MS4A13: variants seen among roughly 807,000 people sequenced by gnomAD.
The protein encoded by MS4A13 is membrane spanning 4-domains A13.
MS4A13 carries 21 observed loss-of-function variants against 18.4 expected under a neutral mutation model. The observed-to-expected ratio is 1.14, with a 90% confidence interval of 0.81 to 1.64. The LOEUF (loss-of-function observed/expected upper bound fraction) is 1.64. Ranked by LOEUF, MS4A13 falls within the 40% of genes most tolerant of loss-of-function variation. The probability of loss-of-function intolerance (pLI) is 0.00; values close to 1 mark genes in which losing one functional copy is unlikely to be tolerated. For synonymous variants in MS4A13, 62 were observed against 57.2 expected, an observed-to-expected ratio of 1.08 and a Z score of -0.38; for missense variants, 173 against 176.8, an observed-to-expected ratio of 0.98 and a Z score of 0.12.
chr11:60,517,508 G>A (rs1432529907), intron 2 of MS4A13, among the ~76,000 whole-genome samples: 10 of 152,034 alleles, frequency 6.6e-5, no homozygotes, highest in South Asian at 6.2e-4. Flanking sequence ...TGGGAAAACC[G>A]AGTTCAAGCG....
chr11:60,535,261 A>T (rs1438825248), intron 6 of MS4A13, among the ~76,000 whole-genome samples: 1 of 39,314 alleles, frequency 2.5e-5, no homozygotes, highest in African/African-American at 1.1e-4. Flanking sequence ...GATCAACAAA[A>T]TTGATAGACC....
At chr11:60,529,629 A>G (rs1274629617) in intron 6 of MS4A13, among the ~76,000 whole-genome samples, 169 bp downstream of exon 6, 10 of 152,200 alleles carry the variant, frequency 6.6e-5, no homozygotes, top group Admixed American at 6.5e-4. Context: ...GCATAAAATT[A>G]TAACAGTAAT....
intron 6 of MS4A13, among the ~76,000 whole-genome samples, chr11:60,539,016 C>T (rs1214854292): frequency 4.5e-5 from 6 of 134,654 alleles, no homozygotes; most frequent in African/African-American, 1.7e-4. Context: ...GAACTGAGTT[C>T]TGCAAACAAC....
intron 6 of MS4A13, among the ~76,000 whole-genome samples, chr11:60,532,626 G>T (rs1378829361): frequency 1.3e-5 from 2 of 152,106 alleles, no homozygotes; most frequent in African/African-American, 4.8e-5. Context: ...GGCTTGCTTA[G>T]GTAAACAAAG....
At chr11:60,526,351 GA>G (rs1170690954) in intron 5 of MS4A13, among the ~76,000 whole-genome samples, 2 of 152,184 alleles carry the variant, frequency 1.3e-5, no homozygotes, top group African/African-American at 4.8e-5. Context: ...AATAGGAAAG[GA>G]GGACTTAAGT....
chr11:60,541,935 C>A (rs2086861737), intron 6 of MS4A13, among the ~76,000 whole-genome samples: 1 of 151,738 alleles, frequency 6.6e-6, no homozygotes, highest in Non-Finnish European at 1.5e-5. Flanking sequence ...CCCGTCTCTA[C>A]TAAAAATACA....
chr11:60,529,715 C>A (rs1217770908), intron 6 of MS4A13, among the ~76,000 whole-genome samples: 1 of 152,086 alleles, frequency 6.6e-6, no homozygotes, highest in Non-Finnish European at 1.5e-5. Context: ...CTCATCGTAT[C>A]CACACATCCA....
chr11:60,516,357 T>A (rs2086637542), intron 2 of MS4A13, among the ~76,000 whole-genome samples: 1 of 152,214 alleles, frequency 6.6e-6, no homozygotes, highest in Non-Finnish European at 1.5e-5. Context: ...GCACTTACAT[T>A]TATGCAGTAG....
intron 6 of MS4A13, among the ~76,000 whole-genome samples, chr11:60,541,134 G>C (rs1292984949): frequency 6.6e-6 from 1 of 152,182 alleles, no homozygotes; most frequent in African/African-American, 2.4e-5. Flanking sequence ...TGATAGCAAA[G>C]ATTGTAGATA....
At position 60,515,555 on chromosome 11, in the gene MS4A13, C is replaced by G. The variant is rs780169632; in HGVS notation, c.-181C>G. The G allele has an allele frequency of 3.3e-5, 5 of 152,206 alleles. No individual in the cohort carries two copies. Among genetic ancestry groups the G allele is most frequent in the Non-Finnish European group, 7.3e-5 (5 of 68,082 alleles). The allele number at this position is 152,206 out of a possible 1,614,324, so 9.4% of individuals were successfully genotyped here. ...CTGGCGTGAGAACTCGGACTGGGTCCTGGACGAGCGCCCCCCGAAACTCCT... is the reference window on the plus strand; with the variant it reads ...CTGGCGTGAGAACTCGGACTGGGTCGTGGACGAGCGCCCCCCGAAACTCCT... On this transcript the variant is annotated 5_prime_UTR_variant, in exon 1 of 7. Transcript: ENST00000378186.
At chr11:60,529,512 C>A in intron 6 of MS4A13, 52 bp downstream of exon 6, 2 of 1,023,676 alleles carry the variant, frequency 2.0e-6, no homozygotes, top group South Asian at 1.6e-5. Context: ...TTTCTAGTAA[C>A]TACACTCTAT....
At chr11:60,539,812 A>C (rs906089232) in intron 6 of MS4A13, among the ~76,000 whole-genome samples, 4 of 152,208 alleles carry the variant, frequency 2.6e-5, no homozygotes, top group Non-Finnish European at 5.9e-5. Flanking sequence ...TGGGATATTA[A>C]AGTGCAGGGG....
At chr11:60,542,745 G>A (rs1400016733), downstream of MS4A13, 4 of 461,538 alleles carry the variant, frequency 8.7e-6, no homozygotes, top group Non-Finnish European at 1.6e-5. Context: ...ATTTTTCTAG[G>A]CTGCAAGGAA....
At chr11:60,539,689 T>A (rs1170618973) in intron 6 of MS4A13, among the ~76,000 whole-genome samples, 2 of 149,022 alleles carry the variant, frequency 1.3e-5, no homozygotes, top group Non-Finnish European at 1.5e-5. Context: ...AAAAAGAAAA[T>A]CTTGAAAGCA....
At chr11:60,518,974 C>A (rs2086656152) in intron 3 of MS4A13, among the ~76,000 whole-genome samples, 1 of 152,136 alleles carries the variant, frequency 6.6e-6, no homozygotes, top group Non-Finnish European at 1.5e-5. Flanking sequence ...TTATTAGTTT[C>A]TGTGAGTTGA....
chr11:60,531,636 A>C (rs1172902590), intron 6 of MS4A13, among the ~76,000 whole-genome samples: 1 of 152,188 alleles, frequency 6.6e-6, no homozygotes, highest in Non-Finnish European at 1.5e-5. Flanking sequence ...TTAAACAACA[A>C]ACTTATTTTC....
intron 3 of MS4A13, 39 bp from the exon 4 acceptor site, chr11:60,523,858 A>C: frequency 8.7e-7 from 1 of 1,146,324 alleles, no homozygotes; most frequent in East Asian, 2.4e-5. Flanking sequence ...ATTGGCAAGC[A>C]TTATCAATGA....
chr11:60,518,645 A>G lies in MS4A13; in HGVS notation c.129+433A>G, dbSNP rs572723754. 3.3e-5 allele frequency among the ~76,000 whole-genome samples: 5 copies of G among 152,356 alleles called. No individual in the cohort carries two copies. The South Asian group carries it at 8.3e-4, about 25-fold the overall frequency. ...TTAGGTAGAGGAAAACCTGGAGAGC[A>G]TGATATCCTGGAAGCCAAGTGAAGA... On this transcript the variant is annotated intron_variant, in intron 3 of 6. Coordinates refer to ENST00000378186, the MANE Select transcript of MS4A13 (RefSeq NM_001012417.3).
At position 60,542,503 on chromosome 11, in the gene MS4A13, G is replaced by C; in HGVS notation, c.403-16G>C. 6.3e-7 allele frequency: 1 copy of C among 1,584,584 alleles called. No individual in the cohort carries two copies. Among genetic ancestry groups the C allele is most frequent in the Non-Finnish European group, 8.6e-7 (1 of 1,156,654 alleles). On this transcript the variant is annotated splice_polypyrimidine_tract_variant and intron_variant, in intron 6 of 6. Transcript: ENST00000378186. ...AGAAACATGATATGATTTGTAAGAGGTTACTTTTTTTCCAGTTTCGAAGAC... is the reference window on the plus strand; with the variant it reads ...AGAAACATGATATGATTTGTAAGAGCTTACTTTTTTTCCAGTTTCGAAGAC...
Sources: allele counts gnomAD v4.1 joint callset (sites outside exome capture counted in the v4.1 genomes callset), GRCh38; gene constraint gnomAD v4.1.1; transcripts MANE v1.5; gene names NCBI Gene and HGNC (gene_info 2026-07-23, HGNC 2026-07-21).